CTNND2: variants seen among roughly 807,000 people sequenced by gnomAD.
The protein encoded by CTNND2 is catenin delta 2, also known as catenin delta-2.
Under a neutral mutation model 144.4 loss-of-function variants are expected in CTNND2, and 22 were observed. The ratio of observed to expected loss-of-function variants is 0.15; its 90% CI spans 0.11 to 0.22. The LOEUF (loss-of-function observed/expected upper bound fraction) is 0.22, where lower values mean the gene tolerates loss of function less well. Among genes scored for constraint, CTNND2 ranks in the 10% least tolerant of loss-of-function variants. The probability of loss-of-function intolerance (pLI) is 1.00; values close to 1 mark genes in which losing one functional copy is unlikely to be tolerated. For synonymous variants in CTNND2, 751 were observed against 695.6 expected, an observed-to-expected ratio of 1.08 and a Z score of -1.25; for missense variants, 1,353 against 1,618.8, an observed-to-expected ratio of 0.84 and a Z score of 2.82.
intron 10 of CTNND2, among the ~76,000 whole-genome samples, chr5:11,202,246 T>TCA (rs572220859): frequency 5.3e-5 from 8 of 152,274 alleles, no homozygotes; most frequent in Non-Finnish European, 7.4e-5. Flanking sequence ...CATTTCCAAT[T>TCA]CATATGATTT....
intron 16 of CTNND2, among the ~76,000 whole-genome samples, chr5:11,039,889 C>A (rs1744505390): frequency 6.6e-6 from 1 of 152,020 alleles, no homozygotes; most frequent in South Asian, 2.1e-4. Context: ...TGACGAAACC[C>A]CATCTCTACT....
chr5:11,063,695 A>G (rs1328169414), intron 16 of CTNND2, among the ~76,000 whole-genome samples: 1 of 151,934 alleles, frequency 6.6e-6, no homozygotes, highest in East Asian at 1.9e-4. Context: ...TGGTATCCAG[A>G]TTTTTAAAGA....
intron 12 of CTNND2, among the ~76,000 whole-genome samples, chr5:11,145,837 C>T (rs1324146654): frequency 6.6e-6 from 1 of 152,170 alleles, no homozygotes; most frequent in Non-Finnish European, 1.5e-5. Context: ...TAGGCCTTTC[C>T]CCTCTCTGTC....
chr5:11,396,325 T>C (rs941571205), intron 6 of CTNND2, among the ~76,000 whole-genome samples: 5 of 152,078 alleles, frequency 3.3e-5, no homozygotes, highest in African/African-American at 1.2e-4. Context: ...ACTAAAATAT[T>C]AGCATCCCTT....
At chr5:11,137,116 A>C (rs556164210) in intron 12 of CTNND2, among the ~76,000 whole-genome samples, 23 of 152,270 alleles carry the variant, frequency 1.5e-4, no homozygotes, top group Non-Finnish European at 2.9e-4. Context: ...TGTTGAATTG[A>C]AAAGACATAC....
At chr5:11,424,470 C>T (rs1762613512) in intron 3 of CTNND2, among the ~76,000 whole-genome samples, 1 of 141,596 alleles carries the variant, frequency 7.1e-6, no homozygotes, top group East Asian at 1.9e-4. Flanking sequence ...TACACACACA[C>T]ATACACATAC....
chr5:11,007,979 C>T (rs1416795888), intron 18 of CTNND2, among the ~76,000 whole-genome samples: 3 of 152,192 alleles, frequency 2.0e-5, no homozygotes, highest in Non-Finnish European at 1.5e-5. Context: ...AAAAGGCATG[C>T]CCTCCCTGGC....
At chr5:11,752,767 T>TA (rs1788700305) in intron 1 of CTNND2, among the ~76,000 whole-genome samples, 1 of 151,890 alleles carries the variant, frequency 6.6e-6, no homozygotes, top group Non-Finnish European at 1.5e-5. Context: ...TATAAGTTGC[T>TA]TTGGGCAGTA....
intron 2 of CTNND2, among the ~76,000 whole-genome samples, chr5:11,578,274 T>C (rs1341968818): frequency 2.6e-5 from 4 of 152,212 alleles, no homozygotes; most frequent in Middle Eastern, 6.3e-3. Context: ...AGTTTTATTA[T>C]TTGTACAATT....
At chr5:11,703,871 C>T (rs1029943684) in intron 2 of CTNND2, among the ~76,000 whole-genome samples, 3 of 152,012 alleles carry the variant, frequency 2.0e-5, no homozygotes, top group African/African-American at 4.8e-5. Context: ...CACTTAGTAA[C>T]TAAAATAGTT....
intron 9 of CTNND2, among the ~76,000 whole-genome samples, chr5:11,270,691 C>T (rs1745907148): frequency 1.3e-5 from 2 of 152,176 alleles, no homozygotes; most frequent in South Asian, 4.1e-4. Context: ...CAGTGTTCAG[C>T]ATTATACTTC....
At chr5:11,652,546 T>C (rs917820989) in intron 2 of CTNND2, among the ~76,000 whole-genome samples, 1 of 152,222 alleles carries the variant, frequency 6.6e-6, no homozygotes, top group Admixed American at 6.5e-5. Context: ...TCTCACTATA[T>C]TGTTATTGCT....
At chr5:11,017,930 G>A (rs538188169) in intron 18 of CTNND2, 44 bp downstream of exon 18, 18 of 1,483,330 alleles carry the variant, frequency 1.2e-5, no homozygotes, top group South Asian at 6.8e-5. Context: ...TCAGGGTCCC[G>A]TGTTGAGTGT....
At chr5:11,075,400 C>G (rs1748837323) in intron 16 of CTNND2, among the ~76,000 whole-genome samples, 2 of 152,216 alleles carry the variant, frequency 1.3e-5, no homozygotes, top group African/African-American at 4.8e-5. Flanking sequence ...AAGGAAGATT[C>G]TTACACAGCC....
chr5:11,364,658 C>A (rs1203434406), intron 8 of CTNND2, 38 bp downstream of exon 8: 3 of 1,553,596 alleles, frequency 1.9e-6, no homozygotes, highest in Non-Finnish European at 2.6e-6. Context: ...AGCCCACCCC[C>A]TGTGGACAGG....
intron 7 of CTNND2, among the ~76,000 whole-genome samples, chr5:11,369,979 A>C (rs1757317425): frequency 6.6e-6 from 1 of 152,230 alleles, no homozygotes; most frequent in Admixed American, 6.5e-5. Context: ...TCATCTTTAA[A>C]AGAAATACCA....
intron 3 of CTNND2, among the ~76,000 whole-genome samples, chr5:11,506,276 G>A (rs1174048241): frequency 6.6e-6 from 1 of 152,160 alleles, no homozygotes; most frequent in Non-Finnish European, 1.5e-5. Context: ...CAAATTGGAA[G>A]GCTTTGGGAA....
At chr5:11,408,627 G>A (rs1253644026) in intron 5 of CTNND2, among the ~76,000 whole-genome samples, 3 of 152,062 alleles carry the variant, frequency 2.0e-5, no homozygotes, top group Non-Finnish European at 4.4e-5. Flanking sequence ...TTCAGTACGT[G>A]ACAATATAAA....
intron 13 of CTNND2, 101 bp downstream of exon 13, chr5:11,117,349 G>T: frequency 1.2e-6 from 1 of 864,108 alleles, no homozygotes; most frequent in Non-Finnish European, 1.9e-6. Context: ...CAGAAGGAAA[G>T]TCTGAAATAC....
Sources: allele counts gnomAD v4.1 joint callset (sites outside exome capture counted in the v4.1 genomes callset), GRCh38; gene constraint gnomAD v4.1.1; transcripts MANE v1.5; gene names NCBI Gene and HGNC (gene_info 2026-07-23, HGNC 2026-07-21).